Variants in LITAF observed in about 807,000 individuals in gnomAD.
The protein encoded by LITAF is lipopolysaccharide induced TNF factor.
In LITAF, 9 loss-of-function variants were observed where a neutral mutation model predicts 14.5. The observed-to-expected ratio is 0.62, with a 90% CI of 0.37 to 1.08. The LOEUF is 1.08. Ranked by LOEUF, LITAF falls within the 50% of genes least tolerant of loss-of-function variation. The pLI is 0.01. For missense variants in LITAF, 206 were observed against 213.4 expected (o/e 0.97, Z 0.22); for synonymous variants, 98 against 88.2 (o/e 1.11, Z -0.62).
chr16:11,548,017 CTT>C lies in LITAF; in HGVS notation c.*1618_*1619del, dbSNP rs1260447925. 6.6e-6 allele frequency: 3 copies of C among 453,974 alleles called. No homozygotes were observed. Among genetic ancestry groups the C allele is most frequent in the Admixed American group, 2.4e-5 (1 of 42,544 alleles). 28.1% of individuals were successfully genotyped at this position (453,974 alleles called of 1,614,324 possible). A position where few individuals can be genotyped will look rare whatever the true frequency, so the allele number is the denominator to read the frequency against. On this transcript the variant is annotated 3_prime_UTR_variant, in exon 4 of 4. Coordinates refer to ENST00000622633, the MANE Select transcript of LITAF (RefSeq NM_001136472.2). ...AATAGTTCACCGGGTGAACCAAAGACTTTATTTTTCAAAAGCAGGTAACACCA... is the reference window on the plus strand; with the variant it reads ...AATAGTTCACCGGGTGAACCAAAGACTATTTTTCAAAAGCAGGTAACACCA...
rs765301111 is a variant in LITAF at position 11,549,774 on chromosome 16, C to T, written c.378-29G>A. On this transcript the variant is annotated intron_variant, in intron 3 of 3. Coordinates refer to ENST00000622633, the MANE Select transcript of LITAF (RefSeq NM_001136472.2). The surrounding 1 kb of genome is among the most constrained non-coding windows in gnomAD (Gnocchi z 4.6). ...GGAGGAGAGAGAGACACACGGAGCG[C>T]GTTACTGATCACAACAGGGTGAACA... 34 of 1,557,612 alleles carry T rather than the reference C, an allele frequency of 2.2e-5. No individual in the cohort carries two copies. Among genetic ancestry groups the T allele is most frequent in the Middle Eastern group, 1.7e-4 (1 of 5,988 alleles).
At chr16:11,550,802 A>G (rs1335883642) in intron 3 of LITAF, among the ~76,000 whole-genome samples, 4 of 152,150 alleles carry the variant, frequency 2.6e-5, no homozygotes, top group Non-Finnish European at 5.9e-5. Context: ...CCGGCCACAT[A>G]CTTTCATCCT....
chr16:11,551,073 G>A (rs886720472), intron 3 of LITAF, among the ~76,000 whole-genome samples: 4 of 152,134 alleles, frequency 2.6e-5, no homozygotes, highest in Admixed American at 1.3e-4. Flanking sequence ...CACACAGGCA[G>A]GAACCTCAGA....
intron 3 of LITAF, among the ~76,000 whole-genome samples, chr16:11,627,513 C>T (rs2065090978): frequency 6.6e-6 from 1 of 152,212 alleles, no homozygotes; most frequent in Admixed American, 6.5e-5. Flanking sequence ...GTTTTTGCAG[C>T]ATTCTGCTAT....
chr16:11,551,797 A>T, intron 3 of LITAF: 1 of 653,072 alleles, frequency 1.5e-6, no homozygotes, highest in East Asian at 2.9e-5. Flanking sequence ...GTACCACTGC[A>T]CTCCTGCCTG....
intron 3 of LITAF, among the ~76,000 whole-genome samples, chr16:11,629,818 A>T (rs1355319332): frequency 2.0e-5 from 3 of 152,148 alleles, no homozygotes; most frequent in Non-Finnish European, 4.4e-5. Flanking sequence ...CGCGCAGCTC[A>T]TGGAGTGCGG....
At chr16:11,613,755 G>T (rs1417667118) in intron 3 of LITAF, among the ~76,000 whole-genome samples, 1 of 152,126 alleles carries the variant, frequency 6.6e-6, no homozygotes, top group African/African-American at 2.4e-5. Context: ...TCACACTGGT[G>T]GAACCGAGGG....
At chr16:11,563,134 A>C (rs947701761) in intron 1 of LITAF, among the ~76,000 whole-genome samples, 1 of 144,948 alleles carries the variant, frequency 6.9e-6, no homozygotes, top group Admixed American at 7.5e-5. Context: ...ATCTCTACAC[A>C]AAAAAATTAT....
chr16:11,580,016 T>C (rs1343493093), intron 1 of LITAF, among the ~76,000 whole-genome samples: 2 of 152,180 alleles, frequency 1.3e-5, no homozygotes, highest in African/African-American at 4.8e-5. Flanking sequence ...ATCCCAAATG[T>C]GAAAATCCAA....
intron 3 of LITAF, among the ~76,000 whole-genome samples, chr16:11,614,328 C>A (rs1295283155): frequency 2.1e-5 from 3 of 141,046 alleles, no homozygotes; most frequent in Admixed American, 7.3e-5. Flanking sequence ...GAGACAGAGT[C>A]TCACTCTGTC....
intron 1 of LITAF, among the ~76,000 whole-genome samples, chr16:11,597,469 A>C (rs143319703): frequency 6.6e-6 from 1 of 152,284 alleles, no homozygotes; most frequent in African/African-American, 2.4e-5. Flanking sequence ...CTATAAGGGA[A>C]ATATTATCAT....
chr16:11,599,926 C>T (rs1567259360), upstream of LITAF, among the ~76,000 whole-genome samples: 1 of 152,168 alleles, frequency 6.6e-6, no homozygotes, highest in Non-Finnish European at 1.5e-5. Flanking sequence ...TTATCCTCCC[C>T]TTCCCGACCC....
chr16:11,612,117 A>G (rs1239030432), intron 3 of LITAF, among the ~76,000 whole-genome samples: 1 of 152,192 alleles, frequency 6.6e-6, no homozygotes, highest in Admixed American at 6.5e-5. Context: ...GTGCCCACAC[A>G]GCCATGTCAC....
chr16:11,597,374 G>C (rs189832165), intron 1 of LITAF, among the ~76,000 whole-genome samples: 5 of 152,080 alleles, frequency 3.3e-5, no homozygotes, highest in African/African-American at 1.2e-4. Context: ...AGTGGAGTGC[G>C]GGTGGAGCAT....
At chr16:11,611,827 T>C (rs371373667) in intron 3 of LITAF, among the ~76,000 whole-genome samples, 22 of 152,152 alleles carry the variant, frequency 1.4e-4, no homozygotes, top group African/African-American at 5.3e-4. Flanking sequence ...CATGCCTGGA[T>C]AGTTTTTTTG....
At chr16:11,617,195 G>A (rs532670429) in intron 3 of LITAF, among the ~76,000 whole-genome samples, 1 of 152,056 alleles carries the variant, frequency 6.6e-6, no homozygotes, top group Admixed American at 6.6e-5. Flanking sequence ...ACTTCAACCT[G>A]GGTGACAGAG....
chr16:11,624,079 G>A (rs2065068690), intron 3 of LITAF, among the ~76,000 whole-genome samples: 1 of 152,166 alleles, frequency 6.6e-6, no homozygotes, highest in Non-Finnish European at 1.5e-5. Flanking sequence ...AAGCTCAGGA[G>A]ATCAAGACCA....
chr16:11,553,711 A>G lies in LITAF; in HGVS notation c.221-22T>C. 3 of 1,613,918 alleles carry G rather than the reference A, an allele frequency of 1.9e-6. No individual in the cohort carries two copies. The highest frequency in any genetic ancestry group is 2.5e-6 in the Non-Finnish European group (3 of 1,179,916). ...GTAACTGATGAAAGGGAGAGGGACAAACACAGGTTGCTCAGGAAACAAGGC... is the reference window on the plus strand; with the variant it reads ...GTAACTGATGAAAGGGAGAGGGACAGACACAGGTTGCTCAGGAAACAAGGC... On this transcript the variant is annotated intron_variant, in intron 2 of 3. Coordinates refer to ENST00000622633, the MANE Select transcript of LITAF (RefSeq NM_001136472.2). The surrounding 1 kb of genome is among the most constrained non-coding windows in gnomAD (Gnocchi z 7.7).
chr16:11,613,586 A>G (rs575847358), intron 3 of LITAF, among the ~76,000 whole-genome samples: 2 of 152,346 alleles, frequency 1.3e-5, no homozygotes, highest in African/African-American at 4.8e-5. Context: ...CTGGGCTCCT[A>G]TGAAAGCTCC....
Sources: gnomAD v4.1 joint callset for allele counts (sites outside exome capture counted in the v4.1 genomes callset) on GRCh38, gnomAD v4.1.1 for gene constraint, Gnocchi (gnomAD v3.1) non-coding constraint, MANE v1.5 for transcripts, NCBI Gene and HGNC (gene_info 2026-07-23, HGNC 2026-07-21) for gene names.